SPEN: variants seen among roughly 807,000 people sequenced by gnomAD.
The protein encoded by SPEN is msx2-interacting protein.
Under a neutral mutation model 269.9 loss-of-function variants are expected in SPEN, and 18 were observed. The ratio of observed to expected loss-of-function variants is 0.07; its 90% CI spans 0.05 to 0.10. The LOEUF is 0.10. SPEN is among the 10% of genes least tolerant of loss of function. SPEN has a pLI of 1.00. For missense variants in SPEN, 3,822 were observed against 4,631.2 expected, an observed-to-expected ratio of 0.83 and a Z score of 5.07; for synonymous variants, 1,726 against 1,765.7, an observed-to-expected ratio of 0.98 and a Z score of 0.56.
chr1:15,901,402 C>T (rs559820071), intron 3 of SPEN, among the ~76,000 whole-genome samples: 4 of 151,562 alleles, frequency 2.6e-5, no homozygotes, highest in South Asian at 2.1e-4. Context: ...GCCAGGAGGC[C>T]GAGGTCAGCA....
intron 3 of SPEN, among the ~76,000 whole-genome samples, chr1:15,909,056 A>C (rs1355999102): frequency 1.3e-5 from 2 of 152,160 alleles, no homozygotes; most frequent in African/African-American, 4.8e-5. Flanking sequence ...TCATTTGAAA[A>C]AAAAAAGTTC....
Position 15,928,572 on chromosome 1 carries a change from G to A in SPEN, c.2332G>A (p.Asp778Asn). The change falls in exon 11 of 15, where the codon GAC (aspartate) becomes AAC (asparagine). Residue 778 changes from aspartate to asparagine, a missense_variant. Asp to Asn is a conservative substitution (Grantham distance 23). Transcript: ENST00000375759. The surrounding 1 kb of genome is among the most constrained non-coding windows in gnomAD (Gnocchi z 5.7). ...SLSPPRYEKL[D>N]KSRLERYTKN... The stretch of plus-strand genomic sequence containing the variant: ...CTCCCCTCCAAGATATGAGAAACTG[G>A]ACAAGTCTCGTTTGGAGCGCTATAC... 6.2e-7 allele frequency: 1 copy of A among 1,614,140 alleles called. No individual in the cohort carries two copies. The highest frequency in any genetic ancestry group is 8.5e-7 in the Non-Finnish European group (1 of 1,180,026).
intron 1 of SPEN, among the ~76,000 whole-genome samples, chr1:15,852,024 T>C (rs1240100218): frequency 6.6e-6 from 1 of 152,160 alleles, no homozygotes; most frequent in African/African-American, 2.4e-5. Flanking sequence ...ATGTAATTTG[T>C]TTTTGCTGAT....
At chr1:15,864,499 A>AGCAG (rs2070479793) in intron 1 of SPEN, among the ~76,000 whole-genome samples, 1 of 140,686 alleles carries the variant, frequency 7.1e-6, no homozygotes, top group Admixed American at 7.4e-5. Flanking sequence ...TAATATTGTA[A>AGCAG]GCAGTGTTGT....
At chr1:15,924,656 C>T (rs2071150317) in intron 10 of SPEN, among the ~76,000 whole-genome samples, 1 of 152,152 alleles carries the variant, frequency 6.6e-6, no homozygotes, top group Non-Finnish European at 1.5e-5. Flanking sequence ...GACAGGGTTT[C>T]TCCATGTTGG....
At chr1:15,888,873 A>G (rs1369285674) in intron 3 of SPEN, among the ~76,000 whole-genome samples, 1 of 149,576 alleles carries the variant, frequency 6.7e-6, no homozygotes, top group Non-Finnish European at 1.5e-5. Context: ...TAGGTGATCC[A>G]CCTGCCTCGG....
chr1:15,861,361 A>C (rs1241173782), intron 1 of SPEN, among the ~76,000 whole-genome samples: 1 of 151,868 alleles, frequency 6.6e-6, no homozygotes, highest in African/African-American at 2.4e-5. Context: ...CGAACTCCTG[A>C]CCTCATGATC....
At chr1:15,867,360 C>A (rs769762219) in intron 1 of SPEN, among the ~76,000 whole-genome samples, 12 of 152,018 alleles carry the variant, frequency 7.9e-5, no homozygotes, top group Non-Finnish European at 1.8e-4. Context: ...CATGCCCTCC[C>A]CCCTTTTATT....
At chr1:15,899,611 G>C (rs2070880977) in intron 3 of SPEN, among the ~76,000 whole-genome samples, 1 of 131,562 alleles carries the variant, frequency 7.6e-6, no homozygotes, top group South Asian at 2.3e-4. Flanking sequence ...GGCTCATGCT[G>C]TCCTTCTGCC....
rs370894935 is a variant in SPEN, at chr1:15,937,245, C to T, written c.10109C>T (p.Pro3370Leu). The T allele has an allele frequency of 4.2e-5, 68 of 1,613,648 alleles. No individual in the cohort carries two copies. The highest frequency in any genetic ancestry group is 3.6e-4 in the East Asian group (16 of 44,858). ...TQPAQPAPPC[P>L]PSQLGQPGQP... is the part of the protein sequence containing the mutation. ...CCTGCCCAGCCTGCACCACCCTGCC[C>T]GCCCTCCCAGCTCGGTCAGCCCGGC... The change falls in exon 12 of 15, where the codon CCG becomes CTG. Residue 3370 changes from proline to leucine, a missense_variant. Pro to Leu is a moderately conservative substitution (Grantham distance 98). Coordinates refer to ENST00000375759, the MANE Select transcript of SPEN (RefSeq NM_015001.3). The surrounding 1 kb of genome is among the most constrained non-coding windows in gnomAD (Gnocchi z 5.7).
At chr1:15,859,115 A>C (rs1384494523) in intron 1 of SPEN, among the ~76,000 whole-genome samples, 2 of 147,670 alleles carry the variant, frequency 1.4e-5, no homozygotes, top group Non-Finnish European at 3.0e-5. Context: ...GTTTTAAATT[A>C]TATTGCAGTC....
intron 11 of SPEN, among the ~76,000 whole-genome samples, 186 bp downstream of exon 11, chr1:15,936,452 G>A (rs2071276152): frequency 6.6e-6 from 1 of 151,316 alleles, no homozygotes; most frequent in Non-Finnish European, 1.5e-5. Flanking sequence ...ACCAGCCTGG[G>A]CAACATGGCA....
intron 3 of SPEN, among the ~76,000 whole-genome samples, chr1:15,895,928 C>T (rs1339078028): frequency 2.0e-5 from 3 of 152,062 alleles, no homozygotes; most frequent in Non-Finnish European, 4.4e-5. Context: ...AGGTGATCCA[C>T]CTGTCTCGGC....
Position 15,890,430 on chromosome 1 carries a change from C to T in SPEN, c.881+13752C>T, listed in dbSNP as rs549647519. 3.9e-5 allele frequency among the ~76,000 whole-genome samples: 6 copies of T among 152,082 alleles called. No homozygotes were observed. The East Asian group carries it at 9.7e-4, about 25-fold the overall frequency. On this transcript the variant is annotated intron_variant, in intron 3 of 14. Transcript: ENST00000375759. ...TATTCTTAGTAGAGACTGAGTTTCA[C>T]CATGTTGGCCAGGCTGGTCTCGAAC...
Position 15,929,868 on chromosome 1 carries a change from G to A in SPEN, c.3628G>A (p.Glu1210Lys). Residue 1210 changes from glutamate (E) to lysine (K), a missense_variant, in exon 11 of 15, where the codon GAG becomes AAG. By Grantham distance (56) the Glu-to-Lys change is moderately conservative. This residue lies in a region of SPEN where 46 missense variants were observed against 94.0 expected (regional missense o/e 0.49). Coordinates refer to ENST00000375759, the MANE Select transcript of SPEN (RefSeq NM_015001.3). The surrounding 1 kb of genome is among the most constrained non-coding windows in gnomAD (Gnocchi z 5.8). ...DEYERRSLVH[E>K]VGKPPQDVTD... is the part of the protein sequence containing the mutation. ...ATATGAAAGACGTAGCCTCGTTCAC[G>A]AGGTAGGCAAACCCCCTCAAGATGT... The A allele has an allele frequency of 2.5e-6, 4 of 1,614,168 alleles. No homozygotes were observed. Among genetic ancestry groups the A allele is most frequent in the Non-Finnish European group, 3.4e-6 (4 of 1,180,024 alleles).
rs778830312 is a variant in SPEN, at chr1:15,930,548, G to A, written c.4308G>A (p.Leu1436=). The change falls in exon 11 of 15, where the codon TTG becomes TTA. Residue 1436 remains leucine (L), a synonymous_variant. Transcript: ENST00000375759. The surrounding 1 kb of genome is among the most constrained non-coding windows in gnomAD (Gnocchi z 5.3). ...GGAACAAATTTTACTCTTTTGCATT[G>A]GATAAGACAATCACACCAGACACTA... ...LERNKFYSFA[L]DKTITPDTKA... The A allele has an allele frequency of 1.1e-5, 17 of 1,613,922 alleles. No individual in the cohort carries two copies. The African/African-American group carries it at 2.0e-4, about 19-fold the overall frequency.
intron 1 of SPEN, among the ~76,000 whole-genome samples, chr1:15,860,545 G>C (rs1226691081): frequency 6.6e-6 from 1 of 151,068 alleles, no homozygotes; most frequent in Non-Finnish European, 1.5e-5. Context: ...TCCCGCCTCA[G>C]CCTCCCGAAG....
chr1:15,874,491 T>C, intron 2 of SPEN: 3 of 926,696 alleles, frequency 3.2e-6, no homozygotes, highest in South Asian at 3.5e-5. Flanking sequence ...TTAGTACTAA[T>C]AGTGAATCAG....
chr1:15,932,932 A>C lies in SPEN; in HGVS notation c.6692A>C (p.Glu2231Ala). The change falls in exon 11 of 15, where the codon GAA (glutamate) becomes GCA (alanine). Residue 2231 changes from glutamate (E) to alanine (A), a missense_variant. Physicochemically the swap from Glu to Ala is moderately radical, Grantham distance 107 (BLOSUM62 -1). Around this residue, in one of 16 missense-constraint regions of SPEN, gnomAD observed 727 missense variants for 737.9 expected, o/e 0.99. Transcript: ENST00000375759. This position sits in a 1 kb window ranked among gnomAD's most constrained non-coding sequence, Gnocchi z 4.2. ...ATCAATGACATTTCTGGGGAGCCAG[A>C]AAACTTCCCAGCACCTCCACCTTAT... is the stretch of plus-strand genomic sequence containing the variant. Reference protein sequence around the residue: ...SIINDISGEPENFPAPPPYPG... With the variant: ...SIINDISGEPANFPAPPPYPG... The C allele has an allele frequency of 1.2e-6, 2 of 1,614,258 alleles. No individual in the cohort carries two copies. The highest frequency in any genetic ancestry group is 1.7e-6 in the Non-Finnish European group (2 of 1,180,040).
Sources: gnomAD v4.1 joint callset for allele counts (sites outside exome capture counted in the v4.1 genomes callset) on GRCh38, gnomAD v4.1.1 for gene constraint, gnomAD v4.1.1 regional missense constraint, Gnocchi (gnomAD v3.1) non-coding constraint, MANE v1.5 for transcripts, NCBI Gene and HGNC (gene_info 2026-07-23, HGNC 2026-07-21) for gene names.